The following GGA2 variants were observed in gnomAD, a reference collection of about 807,000 sequenced individuals.
GGA2 encodes golgi associated, gamma adaptin ear containing, ARF binding protein 2, also known as ADP-ribosylation factor-binding protein GGA2.
GGA2 carries 48 observed loss-of-function variants against 79.5 expected under a neutral mutation model. That is an observed-to-expected ratio of 0.60 (90% CI 0.48 to 0.77). The LOEUF (loss-of-function observed/expected upper bound fraction) is 0.77. Ranked by LOEUF, GGA2 falls within the 30% of genes least tolerant of loss-of-function variation. The pLI, the probability that GGA2 is intolerant of heterozygous loss-of-function variation, is 0.00. For synonymous variants in GGA2, 317 were observed against 302.0 expected (o/e 1.05, Z -0.51); for missense variants, 770 against 774.0 (o/e 0.99, Z 0.06).
intron 14 of GGA2, among the ~76,000 whole-genome samples, chr16:23,470,509 T>A (rs1320370266): frequency 1.3e-5 from 2 of 152,126 alleles, no homozygotes; most frequent in Non-Finnish European, 2.9e-5. Flanking sequence ...ACGCCTGTAA[T>A]CCCAGCACTT....
chr16:23,491,819 G>T lies in GGA2; in HGVS notation c.352-19C>A. On this transcript the variant is annotated intron_variant, in intron 4 of 16. Coordinates refer to ENST00000309859, the MANE Select transcript of GGA2 (RefSeq NM_015044.4). Reference sequence around the variant, plus strand: ...CCAGGTACTGAAAGTAAAAAGGAAAGAGAATTCTAGAGCTGGAAGGGACTT... The same window carrying T: ...CCAGGTACTGAAAGTAAAAAGGAAATAGAATTCTAGAGCTGGAAGGGACTT... 2 of 1,584,620 alleles carry T rather than the reference G, an allele frequency of 1.3e-6. No homozygotes were observed. Among genetic ancestry groups the T allele is most frequent in the Non-Finnish European group, 1.7e-6 (2 of 1,154,452 alleles).
rs367720663 is a variant in GGA2, at chr16:23,470,044, C to A, written c.1572G>T (p.Thr524=). ...TGATATCCCAGACAGGCTGGGGAGC[C>A]GTGCTCATCATGGTCAAGAGCAGCA... The part of the protein sequence containing the change: ...VQVLLLTMMS[T]APQPVWDIMF... The change falls in exon 15 of 17, where the codon ACG becomes ACT. Residue 524 remains threonine (T), a synonymous_variant. Transcript: ENST00000309859. The A allele has an allele frequency of 1.2e-6, 2 of 1,601,038 alleles. No individual in the cohort carries two copies. The highest frequency in any genetic ancestry group is 1.3e-5 in the African/African-American group (1 of 74,558).
intron 1 of GGA2, among the ~76,000 whole-genome samples, chr16:23,510,003 G>C (rs1187132655): frequency 6.7e-6 from 1 of 148,738 alleles, no homozygotes; most frequent in African/African-American, 2.5e-5. Flanking sequence ...GCCGCTGTGA[G>C]CACAGTGCCT....
chr16:23,499,144 C>CT (rs1964891040), intron 1 of GGA2, among the ~76,000 whole-genome samples: 1 of 91,390 alleles, frequency 1.1e-5, no homozygotes, highest in Non-Finnish European at 2.4e-5. Context: ...ACGGGCACCA[C>CT]CTTTTTTTTT....
chr16:23,487,820 A>G (rs965167929), intron 6 of GGA2, among the ~76,000 whole-genome samples: 35 of 152,092 alleles, frequency 2.3e-4, no homozygotes, highest in Non-Finnish European at 3.4e-4. Context: ...AGGCCCAAGG[A>G]GTGGGTACAG....
chr16:23,515,131 C>T (rs1477166296), upstream of GGA2, among the ~76,000 whole-genome samples: 44 of 148,494 alleles, frequency 3.0e-4, no homozygotes, highest in African/African-American at 9.9e-4. Context: ...TTTTTTTTTT[C>T]CTTAATCTAA....
rs1303634310 is a variant in GGA2 at position 23,510,475 on chromosome 16, C to T, written c.-64G>A. The T allele has an allele frequency of 1.2e-5, 7 of 597,502 alleles. No individual in the cohort carries two copies. Among genetic ancestry groups the T allele is most frequent in the Admixed American group, 4.4e-5 (1 of 22,582 alleles). The allele number at this position is 597,502 out of a possible 1,614,324, so 37.0% of individuals were successfully genotyped here. A position where few individuals can be genotyped will look rare whatever the true frequency, so the allele number is the denominator to read the frequency against. ...CTCTTCAGCCGCTGTAGCGTCCTGGCGCTCTCCTCTGCTGACTGCGCGGCA... is the reference window on the plus strand; with the variant it reads ...CTCTTCAGCCGCTGTAGCGTCCTGGTGCTCTCCTCTGCTGACTGCGCGGCA... On this transcript the variant is annotated 5_prime_UTR_variant, in exon 1 of 17. Transcript: ENST00000309859.
chr16:23,472,342 C>T (rs1964522031), intron 14 of GGA2, among the ~76,000 whole-genome samples: 1 of 151,496 alleles, frequency 6.6e-6, no homozygotes, highest in Admixed American at 6.6e-5. Context: ...TACAGGCGCC[C>T]ACCACCACGC....
In GGA2 at chr16:23,494,284, C is replaced by CAA; in HGVS notation, c.252+17_252+18dup. On this transcript the variant is annotated intron_variant, in intron 3 of 16. Transcript: ENST00000309859. ...CACAAGGACAGGAAAGGTTAGGCTA[C>CAA]AAGGCAAGCCAAACTCACCGTTAAG... 1 of 1,546,230 alleles carries CAA rather than the reference C, an allele frequency of 6.5e-7. No homozygotes were observed. The highest frequency in any genetic ancestry group is 1.1e-5 in the South Asian group (1 of 89,780).
chr16:23,486,246 C>T (rs879442485), intron 7 of GGA2, 94 bp from the exon 8 acceptor site: 10 of 1,094,356 alleles, frequency 9.1e-6, no homozygotes, highest in African/African-American at 3.1e-5. Context: ...TGAGAGAGCT[C>T]GCTCAGGGGC....
At chr16:23,516,822 G>A (rs940315855) in intron 2 of GGA2, among the ~76,000 whole-genome samples, 19 of 152,132 alleles carry the variant, frequency 1.2e-4, no homozygotes, top group Non-Finnish European at 2.4e-4. Flanking sequence ...AGTAGAGGGA[G>A]GGTACTTAGG....
chr16:23,499,953 C>G (rs1353998686), intron 1 of GGA2, among the ~76,000 whole-genome samples: 1 of 152,204 alleles, frequency 6.6e-6, no homozygotes, highest in Non-Finnish European at 1.5e-5. Context: ...GGAGGGGACT[C>G]TGGGCCAGAT....
At chr16:23,474,866 G>GAAA in intron 14 of GGA2, 38 bp downstream of exon 14, 6 of 1,350,002 alleles carry the variant, frequency 4.4e-6, no homozygotes, top group African/African-American at 3.0e-5. Context: ...GATTCCCAGG[G>GAAA]AAAAAAAAAA....
At chr16:23,491,564 T>A (rs2142131481) in intron 5 of GGA2, 113 bp downstream of exon 5, 5 of 741,098 alleles carry the variant, frequency 6.7e-6, no homozygotes, top group African/African-American at 1.8e-5. Flanking sequence ...CCTCAGTGTC[T>A]ATGGTCCTAC....
chr16:23,481,687 C>T (rs770593101), intron 9 of GGA2, among the ~76,000 whole-genome samples: 2 of 151,894 alleles, frequency 1.3e-5, no homozygotes, highest in African/African-American at 4.8e-5. Context: ...GCATGAGAAT[C>T]GCTTGAACAC....
chr16:23,474,729 G>A (rs1964555009), intron 14 of GGA2, among the ~76,000 whole-genome samples, 175 bp downstream of exon 14: 1 of 152,076 alleles, frequency 6.6e-6, no homozygotes, highest in African/African-American at 2.4e-5. Context: ...TGGGATTACA[G>A]GCGTGAGTCA....
chr16:23,524,251 C>G, upstream of GGA2: 2 of 812,896 alleles, frequency 2.5e-6, no homozygotes. Context: ...GAGATTGTTT[C>G]CACTCTTAGT....
At chr16:23,505,713 C>T (rs932330183) in intron 1 of GGA2, among the ~76,000 whole-genome samples, 3 of 136,004 alleles carry the variant, frequency 2.2e-5, no homozygotes, top group African/African-American at 8.0e-5. Context: ...TGGCCATCTT[C>T]ATATTTCATG....
At chr16:23,493,302 G>A (rs1448363293) in intron 4 of GGA2, 58 bp downstream of exon 4, 8 of 1,006,982 alleles carry the variant, frequency 7.9e-6, no homozygotes, top group Middle Eastern at 2.0e-4. Flanking sequence ...AGGGAGCCAG[G>A]AGTTTGACAG....
Sources: allele counts gnomAD v4.1 joint callset (sites outside exome capture counted in the v4.1 genomes callset), GRCh38; gene constraint gnomAD v4.1.1; transcripts MANE v1.5; gene names NCBI Gene and HGNC (gene_info 2026-07-23, HGNC 2026-07-21).